The following AKR1B10 variants were observed in gnomAD, a reference collection of about 807,000 sequenced individuals.
AKR1B10 encodes the protein ARP.
A neutral mutation model predicts 38.9 loss-of-function variants in AKR1B10; 39 were observed. The observed-to-expected ratio is 1.00, with a 90% CI of 0.78 to 1.31. The LOEUF is 1.31. AKR1B10 is among the 50% of genes most tolerant of loss of function. The pLI is 0.00. For missense variants in AKR1B10, 361 were observed against 382.6 expected (o/e 0.94, Z 0.47); for synonymous variants, 148 against 141.2 (o/e 1.05, Z -0.34).
chr7:134,528,114 AG>A (rs1807737841), intron 1 of AKR1B10, 137 bp downstream of exon 1: 1 of 1,177,540 alleles, frequency 8.5e-7, no homozygotes, highest in Non-Finnish European at 1.2e-6. Context: ...GCCAGGACTT[AG>A]GTTGCTTTCT....
Position 134,538,153 on chromosome 7 carries a change from T to G in AKR1B10, c.742-41T>G, listed in dbSNP as rs771824306. The G allele has an allele frequency of 2.6e-6, 4 of 1,568,298 alleles. No homozygotes were observed. In the African/African-American group the frequency reaches 4.1e-5, roughly 16 times the overall value. ...CTTCCTTTCCATAAAAGGAGGGGTC[T>G]TTGGAGCTGAGTGGAAGCCTGATGT... is the stretch of plus-strand genomic sequence containing the variant. On this transcript the variant is annotated intron_variant, in intron 7 of 9. Coordinates refer to ENST00000359579, the MANE Select transcript of AKR1B10 (RefSeq NM_020299.5).
chr7:134,532,764 A>AGTGG (rs1368192994), intron 3 of AKR1B10, among the ~76,000 whole-genome samples: 50 of 152,298 alleles, frequency 3.3e-4, no homozygotes, highest in Non-Finnish European at 6.5e-4. Context: ...GTGATAATGA[A>AGTGG]CTTCTGGAAT....
chr7:134,539,374 C>T (rs1280785436), intron 9 of AKR1B10, among the ~76,000 whole-genome samples: 1 of 152,054 alleles, frequency 6.6e-6, no homozygotes, highest in East Asian at 1.9e-4. Flanking sequence ...GTTGCTGCCT[C>T]CATAGGCTTA....
At chr7:134,532,095 T>A in intron 3 of AKR1B10, 71 bp downstream of exon 3, 1 of 1,566,586 alleles carries the variant, frequency 6.4e-7, no homozygotes, top group Non-Finnish European at 8.8e-7. Context: ...GCACCAGGGC[T>A]GTGGGGTGGT....
At chr7:134,533,142 C>T (rs1055719832) in intron 4 of AKR1B10, 61 bp downstream of exon 4, 7 of 1,379,188 alleles carry the variant, frequency 5.1e-6, no homozygotes, top group South Asian at 2.6e-5. Context: ...CCATGAGATT[C>T]GCATGGATAT....
Position 134,531,917 on chromosome 7 carries a change from A to C in AKR1B10, c.244A>C (p.Thr82Pro). The C allele has an allele frequency of 6.2e-7, 1 of 1,614,050 alleles. No homozygotes were observed. ...DLFIVSKLWP[T>P]FFERPLVRKA... Reference sequence around the variant, plus strand: ...GCTACACTCTTTGCAGTTGTGGCCCACTTTCTTTGAGAGACCCCTTGTGAG... The same window carrying C: ...GCTACACTCTTTGCAGTTGTGGCCCCCTTTCTTTGAGAGACCCCTTGTGAG... Residue 82 changes from threonine (T) to proline (P), a missense_variant, in exon 3 of 10, where the codon ACT (threonine) becomes CCT (proline). Around this residue, in one of 3 missense-constraint regions of AKR1B10, gnomAD observed 220 missense variants for 216.1 expected, o/e 1.02. Coordinates refer to ENST00000359579, the MANE Select transcript of AKR1B10 (RefSeq NM_020299.5).
At chr7:134,532,314 T>C (rs1807883315) in intron 3 of AKR1B10, among the ~76,000 whole-genome samples, 1 of 152,166 alleles carries the variant, frequency 6.6e-6, no homozygotes, top group Non-Finnish European at 1.5e-5. Context: ...CCATATCACC[T>C]TTGTCTTGAT....
At chr7:134,535,220 C>G (rs891524033) in intron 4 of AKR1B10, among the ~76,000 whole-genome samples, 1 of 152,118 alleles carries the variant, frequency 6.6e-6, no homozygotes, top group African/African-American at 2.4e-5. Context: ...TCAAGCAATC[C>G]TCCTGTCTCA....
In AKR1B10 at chr7:134,533,832, A is replaced by G. The variant is rs182926220; in HGVS notation, c.429+751A>G. On this transcript the variant is annotated intron_variant, in intron 4 of 9. Coordinates refer to ENST00000359579, the MANE Select transcript of AKR1B10 (RefSeq NM_020299.5). ...ATTCAAAATGAATGAAGGGATGAAC[A>G]TTTTCTCTGGTCATTTTTTATTATT... Among the ~76,000 whole-genome samples the G allele has an allele frequency of 5.9e-5, 9 of 152,274 alleles. No homozygotes were observed. In the East Asian group the frequency reaches 1.5e-3, roughly 26 times the overall value.
In AKR1B10 at chr7:134,530,734, A is replaced by G. The variant is rs955364465; in HGVS notation, c.158A>G (p.His53Arg). ...TGTGCCTATGTCTATCAGAATGAAC[A>G]TGAAGTGGGGGAAGCCATCCAAGAG... is the stretch of plus-strand genomic sequence containing the variant. ...IDCAYVYQNE[H>R]EVGEAIQEKI... Residue 53 changes from histidine to arginine, a missense_variant, in exon 2 of 10, where the codon CAT becomes CGT. This residue lies in a region of AKR1B10 where 220 missense variants were observed against 216.1 expected (regional missense o/e 1.02). Coordinates refer to ENST00000359579, the MANE Select transcript of AKR1B10 (RefSeq NM_020299.5). The G allele has an allele frequency of 1.2e-6, 2 of 1,614,088 alleles. No individual in the cohort carries two copies. Among genetic ancestry groups the G allele is most frequent in the Admixed American group, 1.7e-5 (1 of 60,022 alleles).
chr7:134,537,744 CTCCTTA>C, intron 7 of AKR1B10, 83 bp downstream of exon 7: 1 of 1,523,280 alleles, frequency 6.6e-7, no homozygotes, highest in South Asian at 1.1e-5. Context: ...CCTCAACAAA[CTCCTTA>C]AAGGGGAAGA....
Position 134,530,730 on chromosome 7 carries a change from G to T in AKR1B10, c.154G>T (p.Glu52Ter). 3 of 1,614,100 alleles carry T rather than the reference G, an allele frequency of 1.9e-6. No homozygotes were observed. In the South Asian group the frequency reaches 3.3e-5, roughly 18 times the overall value. ...HIDCAYVYQNEHEVGEAIQEK... is the reference protein window; with the variant it reads ...HIDCAYVYQN ...TGACTGTGCCTATGTCTATCAGAATGAACATGAAGTGGGGGAAGCCATCCA... is the reference window on the plus strand; with the variant it reads ...TGACTGTGCCTATGTCTATCAGAATTAACATGAAGTGGGGGAAGCCATCCA... The change falls in exon 2 of 10, where the codon GAA becomes TAA. Residue 52 changes from glutamate (E) to a stop codon, truncating the protein, a stop_gained. Coordinates refer to ENST00000359579, the MANE Select transcript of AKR1B10 (RefSeq NM_020299.5). LOFTEE classifies it high-confidence loss of function.
In AKR1B10 at chr7:134,538,789, T is replaced by G. The variant is rs991813748; in HGVS notation, c.826-146T>G. ...TGTAGGACCTAATTTAGAGAAAAATTTGTATCCCGTGGACAGAATGGGAAA... is the reference window on the plus strand; with the variant it reads ...TGTAGGACCTAATTTAGAGAAAAATGTGTATCCCGTGGACAGAATGGGAAA... On this transcript the variant is annotated intron_variant, in intron 8 of 9. Transcript: ENST00000359579. 3.1e-5 allele frequency: 27 copies of G among 865,650 alleles called. No individual in the cohort carries two copies. In the African/African-American group the frequency reaches 4.3e-4, roughly 14 times the overall value. 53.6% of individuals were successfully genotyped at this position (865,650 alleles called of 1,614,324 possible).
At chr7:134,539,340 G>A (rs1200487280) in intron 9 of AKR1B10, among the ~76,000 whole-genome samples, 1 of 152,100 alleles carries the variant, frequency 6.6e-6, no homozygotes, top group East Asian at 1.9e-4. Flanking sequence ...TTTTCTAGGT[G>A]CTTAGGTTAT....
chr7:134,532,241 GTTTTC>G (rs1458388879), intron 3 of AKR1B10, among the ~76,000 whole-genome samples: 7 of 152,114 alleles, frequency 4.6e-5, no homozygotes, highest in Non-Finnish European at 7.4e-5. Flanking sequence ...ACATGCCTGG[GTTTTC>G]TTGCAGTTAT....
chr7:134,532,942 TG>T (rs1807900145), intron 3 of AKR1B10, 61 bp from the exon 4 acceptor site: 6 of 1,445,992 alleles, frequency 4.1e-6, no homozygotes, highest in Middle Eastern at 3.5e-4. Context: ...CCTGAAACCT[TG>T]TTGAACAGAA....
intron 9 of AKR1B10, among the ~76,000 whole-genome samples, chr7:134,540,528 T>C (rs995296631): frequency 6.6e-6 from 1 of 152,166 alleles, no homozygotes; most frequent in African/African-American, 2.4e-5. Flanking sequence ...TTAACACTGG[T>C]TTATTAGCTG....
In AKR1B10 at chr7:134,538,220, G is replaced by T. The variant is rs1808063029; in HGVS notation, c.768G>T (p.Arg256Ser). 6.2e-7 allele frequency: 1 copy of T among 1,613,976 alleles called. No homozygotes were observed. The highest frequency in any genetic ancestry group is 8.5e-7 in the Non-Finnish European group (1 of 1,179,994). ...TTCTGATCCGTTTCCATATCCAGAG[G>T]AATGTGATTGTCATCCCCAAGTCTG... Reference protein sequence around the residue: ...AQVLIRFHIQRNVIVIPKSVT... With the variant: ...AQVLIRFHIQSNVIVIPKSVT... The change falls in exon 8 of 10, where the codon AGG (arginine) becomes AGT (serine). Residue 256 changes from arginine (R) to serine (S), a missense_variant. By Grantham distance (110) the Arg-to-Ser change is moderately radical. Transcript: ENST00000359579.
At chr7:134,539,113 G>GC in intron 9 of AKR1B10, 96 bp downstream of exon 9, 1 of 1,473,788 alleles carries the variant, frequency 6.8e-7, no homozygotes, top group South Asian at 1.2e-5. Context: ...GGGACTACTT[G>GC]TGTCTTCAAA....
Sources: gnomAD v4.1 joint callset for allele counts (sites outside exome capture counted in the v4.1 genomes callset) on GRCh38, gnomAD v4.1.1 for gene constraint, gnomAD v4.1.1 regional missense constraint, MANE v1.5 for transcripts, NCBI Gene and HGNC (gene_info 2026-07-23, HGNC 2026-07-21) for gene names.